Variants in CSMD3 observed in about 807,000 individuals in gnomAD.
CSMD3 encodes the protein CUB and sushi domain-containing protein 3.
CSMD3 carries 177 observed loss-of-function variants against 435.2 expected under a neutral mutation model. The observed-to-expected ratio is 0.41, with a 90% CI of 0.36 to 0.46. CSMD3 has a LOEUF of 0.46. CSMD3 is among the 20% of genes least tolerant of loss of function. The pLI is 0.34. For missense variants in CSMD3, 4,265 were observed against 4,504.6 expected (o/e 0.95, Z 1.52); for synonymous variants, 1,656 against 1,520.5 (o/e 1.09, Z -2.07).
chr8:113,415,011 A>G (rs1280688937), intron 1 of CSMD3, among the ~76,000 whole-genome samples: 3 of 152,096 alleles, frequency 2.0e-5, no homozygotes, highest in Non-Finnish European at 4.4e-5. Flanking sequence ...AATCCTACTG[A>G]TTACTGATGT....
chr8:113,148,376 A>T (rs1268020885), intron 4 of CSMD3, among the ~76,000 whole-genome samples: 2 of 151,584 alleles, frequency 1.3e-5, no homozygotes, highest in African/African-American at 4.8e-5. Flanking sequence ...GCCTTCCACA[A>T]CCCTGCGGAT....
intron 12 of CSMD3, among the ~76,000 whole-genome samples, chr8:112,802,420 T>C (rs898602813): frequency 4.6e-5 from 7 of 152,056 alleles, no homozygotes; most frequent in Non-Finnish European, 1.0e-4. Flanking sequence ...ACTTCCTGCT[T>C]GTCATAATGA....
At chr8:113,202,719 C>A (rs1428070829) in intron 3 of CSMD3, among the ~76,000 whole-genome samples, 4 of 152,078 alleles carry the variant, frequency 2.6e-5, no homozygotes, top group African/African-American at 9.7e-5. Flanking sequence ...GATGAATTAT[C>A]TTTGGTTCAA....
chr8:112,514,137 C>A (rs867395029), intron 28 of CSMD3, among the ~76,000 whole-genome samples: 2 of 152,106 alleles, frequency 1.3e-5, no homozygotes, highest in Non-Finnish European at 2.9e-5. Context: ...AAGCAATCCT[C>A]CCATCTTAGC....
intron 62 of CSMD3, 120 bp downstream of exon 62, chr8:112,255,134 A>G: frequency 1.3e-6 from 1 of 780,416 alleles, no homozygotes; most frequent in Non-Finnish European, 2.1e-6. Context: ...AATTGCTTCT[A>G]TATTTTACAC....
At chr8:112,547,600 T>G (rs527256616) in intron 27 of CSMD3, among the ~76,000 whole-genome samples, 1 of 152,072 alleles carries the variant, frequency 6.6e-6, no homozygotes, top group Non-Finnish European at 1.5e-5. Context: ...TTGCTACGCC[T>G]TTTATACTGG....
At chr8:112,270,239 T>C (rs147276334) in intron 59 of CSMD3, among the ~76,000 whole-genome samples, 1 of 152,040 alleles carries the variant, frequency 6.6e-6, no homozygotes, top group African/African-American at 2.4e-5. Context: ...TAAATCACAT[T>C]TATTCCAAAG....
At chr8:113,094,469 A>G (rs973288239) in intron 5 of CSMD3, among the ~76,000 whole-genome samples, 1 of 152,070 alleles carries the variant, frequency 6.6e-6, no homozygotes, top group Non-Finnish European at 1.5e-5. Context: ...TTTATCATTA[A>G]TTTTTCAATG....
At chr8:112,373,705 TTCTC>T (rs1828668614) in intron 38 of CSMD3, among the ~76,000 whole-genome samples, 1 of 152,178 alleles carries the variant, frequency 6.6e-6, no homozygotes, top group South Asian at 2.1e-4. Flanking sequence ...AAAGAGATGT[TTCTC>T]TACCAAGAGA....
chr8:112,310,361 A>G (rs561949824), intron 50 of CSMD3: 1 of 153,514 alleles, frequency 6.5e-6, no homozygotes, highest in Admixed American at 6.5e-5. Flanking sequence ...ACAAGTCTTA[A>G]TCAAAAACTC....
intron 5 of CSMD3, among the ~76,000 whole-genome samples, chr8:113,087,809 A>G (rs1337383437): frequency 6.6e-6 from 1 of 152,224 alleles, no homozygotes; most frequent in Non-Finnish European, 1.5e-5. Flanking sequence ...CAGGGACTTC[A>G]TGTCTAAAAC....
chr8:112,343,213 T>C (rs886438791), intron 41 of CSMD3, among the ~76,000 whole-genome samples: 9 of 151,768 alleles, frequency 5.9e-5, no homozygotes. Context: ...TTGAAGATCA[T>C]GTTATAATGA....
chr8:113,163,643 G>C (rs2092090922), intron 4 of CSMD3, among the ~76,000 whole-genome samples: 1 of 152,022 alleles, frequency 6.6e-6, no homozygotes, highest in Admixed American at 6.6e-5. Context: ...GTTTTCAGAT[G>C]ACTAACTTGC....
intron 70 of CSMD3, among the ~76,000 whole-genome samples, chr8:112,226,230 G>T (rs1368735003): frequency 6.6e-6 from 1 of 152,056 alleles, no homozygotes; most frequent in African/African-American, 2.4e-5. Context: ...CTCTTACTAA[G>T]TGTGTCTAAT....
intron 32 of CSMD3, among the ~76,000 whole-genome samples, chr8:112,429,513 T>A (rs940689360): frequency 1.3e-5 from 2 of 151,986 alleles, no homozygotes; most frequent in African/African-American, 2.4e-5. Flanking sequence ...AACATAGACA[T>A]ATGAAATGAG....
At chr8:112,609,275 T>C (rs1375469995) in intron 22 of CSMD3, among the ~76,000 whole-genome samples, 1 of 138,372 alleles carries the variant, frequency 7.2e-6, no homozygotes, top group African/African-American at 2.7e-5. Flanking sequence ...CGATAAAGGG[T>C]TAATATACAT....
chr8:112,238,060 T>C (rs1813760300), intron 66 of CSMD3, among the ~76,000 whole-genome samples: 1 of 152,116 alleles, frequency 6.6e-6, no homozygotes, highest in East Asian at 1.9e-4. Context: ...AAAAGACTTA[T>C]TGTATTTATA....
At chr8:112,752,437 T>C (rs185822412) in intron 13 of CSMD3, among the ~76,000 whole-genome samples, 16 of 152,322 alleles carry the variant, frequency 1.1e-4, no homozygotes, top group Admixed American at 1.0e-3. Context: ...CAGACTCATG[T>C]ATCCAACTGA....
intron 49 of CSMD3, among the ~76,000 whole-genome samples, chr8:112,311,527 G>T (rs1277960733): frequency 6.6e-6 from 1 of 152,090 alleles, no homozygotes; most frequent in African/African-American, 2.4e-5. Context: ...CACAGCCTTG[G>T]TAGCAATATT....
Sources: allele counts gnomAD v4.1 joint callset (sites outside exome capture counted in the v4.1 genomes callset), GRCh38; gene constraint gnomAD v4.1.1; transcripts MANE v1.5; gene names NCBI Gene and HGNC (gene_info 2026-07-23, HGNC 2026-07-21).